The following ADARB1 variants were observed in gnomAD, a reference collection of about 807,000 sequenced individuals.
The protein encoded by ADARB1 is double-stranded RNA-specific editase 1.
Under a neutral mutation model 52.4 loss-of-function variants are expected in ADARB1, and 10 were observed. That is an observed-to-expected ratio of 0.19 (90% CI 0.12 to 0.32). The LOEUF is 0.32. ADARB1 is among the 10% of genes least tolerant of loss of function. The pLI is 1.00. For synonymous variants in ADARB1, 349 were observed against 371.1 expected, an observed-to-expected ratio of 0.94 and a Z score of 0.68; for missense variants, 643 against 922.3, an observed-to-expected ratio of 0.70 and a Z score of 3.92.
intron 1 of ADARB1, among the ~76,000 whole-genome samples, chr21:45,100,194 TTATG>T (rs2086939002): frequency 1.3e-5 from 2 of 152,196 alleles, no homozygotes; most frequent in South Asian, 4.1e-4. Flanking sequence ...TTATGTGAGA[TTATG>T]TATGTCTGCT....
intron 2 of ADARB1, among the ~76,000 whole-genome samples, chr21:45,170,929 T>C (rs182445123): frequency 9.5e-4 from 145 of 152,350 alleles, no homozygotes; most frequent in African/African-American, 3.4e-3. Flanking sequence ...ATAATACTTA[T>C]ATGTAACTAA....
At chr21:45,110,886 C>T (rs1205627203) in intron 1 of ADARB1, among the ~76,000 whole-genome samples, 1 of 152,106 alleles carries the variant, frequency 6.6e-6, no homozygotes, top group African/African-American at 2.4e-5. Context: ...TGAGCTCTGC[C>T]CATCTGTCCA....
intron 2 of ADARB1, among the ~76,000 whole-genome samples, chr21:45,143,937 C>T (rs201843723): frequency 4.6e-5 from 7 of 152,204 alleles, no homozygotes; most frequent in East Asian, 1.9e-4. Context: ...CCCATTGTCC[C>T]CATTGTCAGT....
At chr21:45,156,230 TCATCACC>T (rs2090605865) in intron 2 of ADARB1, among the ~76,000 whole-genome samples, 5 of 89,178 alleles carry the variant, frequency 5.6e-5, no homozygotes, top group African/African-American at 9.1e-5. Flanking sequence ...CACCCACCCA[TCATCACC>T]CATCACCCAT....
In ADARB1 at chr21:45,095,720, C is replaced by T. The variant is rs145070421; in HGVS notation, c.-220+20927C>T. Among the ~76,000 whole-genome samples the T allele has an allele frequency of 4.6e-5, 7 of 152,226 alleles. No homozygotes were observed. The East Asian group carries it at 1.3e-3, about 29-fold the overall frequency. ...AAGGGGTGTCTCTGCATCAGGAAAG[C>T]GATAAGGAGTTCAGGAAACCCAGTG... On this transcript the variant is annotated intron_variant, in intron 1 of 10. Transcript: ENST00000348831.
At chr21:45,187,461 T>C (rs921879668) in intron 8 of ADARB1, among the ~76,000 whole-genome samples, 3 of 152,216 alleles carry the variant, frequency 2.0e-5, no homozygotes, top group Non-Finnish European at 4.4e-5. Context: ...CAAACAGATA[T>C]AATTTTACTT....
chr21:45,084,952 C>T (rs2086283177), intron 1 of ADARB1, among the ~76,000 whole-genome samples: 2 of 152,172 alleles, frequency 1.3e-5, no homozygotes, highest in African/African-American at 4.8e-5. Flanking sequence ...GCTCTGGAGT[C>T]AGACACAATA....
At position 45,180,443 on chromosome 21, in the gene ADARB1, A is replaced by G. The variant is rs1056337406; in HGVS notation, c.1077A>G (p.Thr359=). Residue 359 remains threonine, a splice_region_variant and synonymous_variant, in exon 5 of 11, where the codon ACA becomes ACG. Transcript: ENST00000348831. ...RKVLAGVVMT[T]GTDVKDAKVI... is the part of the protein sequence containing the mutation. Reference sequence around the variant, plus strand: ...TGCTGGCTGGAGTCGTCATGACAACAGGTAACCATCTTGGTGTTGTATGTA... The same window carrying G: ...TGCTGGCTGGAGTCGTCATGACAACGGGTAACCATCTTGGTGTTGTATGTA... 1 of 1,611,358 alleles carries G rather than the reference A, an allele frequency of 6.2e-7. No individual in the cohort carries two copies. The highest frequency in any genetic ancestry group is 8.5e-7 in the Non-Finnish European group (1 of 1,177,776).
intron 1 of ADARB1, among the ~76,000 whole-genome samples, chr21:45,088,317 G>T (rs2086426077): frequency 1.3e-5 from 2 of 152,184 alleles, no homozygotes; most frequent in African/African-American, 4.8e-5. Context: ...GATGATGCTG[G>T]AAATAAGGAA....
intron 2 of ADARB1, among the ~76,000 whole-genome samples, chr21:45,138,558 T>C (rs1338037793): frequency 4.6e-5 from 7 of 152,206 alleles, no homozygotes; most frequent in Admixed American, 4.6e-4. Context: ...GTCAGAGACA[T>C]TGTGGAAGCC....
At chr21:45,125,270 C>G (rs2088501408) in intron 1 of ADARB1, among the ~76,000 whole-genome samples, 1 of 152,222 alleles carries the variant, frequency 6.6e-6, no homozygotes, top group Admixed American at 6.5e-5. Flanking sequence ...GTGACATAAA[C>G]AACAATCACT....
At chr21:45,076,250 C>G (rs2085929963) in intron 1 of ADARB1, among the ~76,000 whole-genome samples, 1 of 152,164 alleles carries the variant, frequency 6.6e-6, no homozygotes, top group African/African-American at 2.4e-5. Flanking sequence ...AGAGAATTAA[C>G]TGTCTCTCAT....
At chr21:45,169,071 C>T (rs1374542181) in intron 2 of ADARB1, among the ~76,000 whole-genome samples, 1 of 152,196 alleles carries the variant, frequency 6.6e-6, no homozygotes, top group Non-Finnish European at 1.5e-5. Context: ...AGGGCCTCAT[C>T]ACTGCTCCAT....
chr21:45,190,037 C>T (rs945584734), intron 8 of ADARB1, among the ~76,000 whole-genome samples: 1 of 151,932 alleles, frequency 6.6e-6, no homozygotes, highest in Non-Finnish European at 1.5e-5. Flanking sequence ...AGCTCTTAGC[C>T]CCTTTCTCTC....
intron 1 of ADARB1, among the ~76,000 whole-genome samples, chr21:45,110,291 A>G (rs950615766): frequency 3.9e-5 from 6 of 152,200 alleles, no homozygotes; most frequent in Non-Finnish European, 8.8e-5. Context: ...AACAAACCTT[A>G]AAATGTTCAT....
intron 1 of ADARB1, among the ~76,000 whole-genome samples, chr21:45,102,624 G>A (rs992318514): frequency 1.3e-5 from 2 of 152,200 alleles, no homozygotes; most frequent in African/African-American, 4.8e-5. Context: ...GGAGCCAACT[G>A]AAAGAGCTCC....
intron 2 of ADARB1, among the ~76,000 whole-genome samples, chr21:45,152,124 G>GT (rs2090323309): frequency 6.6e-6 from 1 of 152,186 alleles, no homozygotes; most frequent in South Asian, 2.1e-4. Context: ...ATATGGAGCT[G>GT]TTTTCATCAG....
chr21:45,179,665 T>A (rs1338487539), intron 4 of ADARB1, among the ~76,000 whole-genome samples: 3 of 152,204 alleles, frequency 2.0e-5, no homozygotes, highest in African/African-American at 7.2e-5. Flanking sequence ...CGTGCTGTTC[T>A]CTGGTACATG....
At chr21:45,097,433 C>T (rs929492292) in intron 1 of ADARB1, among the ~76,000 whole-genome samples, 4 of 151,204 alleles carry the variant, frequency 2.6e-5, no homozygotes, top group African/African-American at 9.8e-5. Context: ...GGTAGAGAAT[C>T]ATGATTTTTT....
Sources: allele counts gnomAD v4.1 joint callset (sites outside exome capture counted in the v4.1 genomes callset), GRCh38; gene constraint gnomAD v4.1.1; transcripts MANE v1.5; gene names NCBI Gene and HGNC (gene_info 2026-07-23, HGNC 2026-07-21).